Variants in CORIN observed in about 807,000 individuals in gnomAD.
CORIN encodes the protein atrial natriuretic peptide-converting enzyme.
Under a neutral mutation model 125.3 loss-of-function variants are expected in CORIN, and 117 were observed. The ratio of observed to expected loss-of-function variants is 0.93; its 90% CI spans 0.80 to 1.09. The LOEUF is 1.09. Ranked by LOEUF, CORIN falls within the 50% of genes least tolerant of loss-of-function variation. CORIN has a pLI of 0.00. For missense variants in CORIN, 1,253 were observed against 1,306.7 expected (o/e 0.96, Z 0.63); for synonymous variants, 450 against 466.4 (o/e 0.96, Z 0.45).
chr4:47,703,841 C>T (rs1438439203), intron 5 of CORIN, among the ~76,000 whole-genome samples: 4 of 152,168 alleles, frequency 2.6e-5, no homozygotes, highest in Non-Finnish European at 5.9e-5. Context: ...TCTACTTAGA[C>T]TTGGAAGGTA....
intron 4 of CORIN, among the ~76,000 whole-genome samples, chr4:47,758,885 A>G (rs1158838250): frequency 6.6e-6 from 1 of 152,222 alleles, no homozygotes; most frequent in Non-Finnish European, 1.5e-5. Context: ...CAGAACTGTG[A>G]GTCAATTAAA....
chr4:47,617,733 G>A (rs1478389472), intron 19 of CORIN, among the ~76,000 whole-genome samples: 2 of 152,190 alleles, frequency 1.3e-5, no homozygotes, highest in South Asian at 2.1e-4. Context: ...TGAGTGACTG[G>A]CACAGTTCAT....
chr4:47,685,345 A>T (rs921636746), intron 6 of CORIN, among the ~76,000 whole-genome samples: 3 of 152,248 alleles, frequency 2.0e-5, no homozygotes, highest in African/African-American at 7.2e-5. Flanking sequence ...AAAGGATGAA[A>T]CTACCAATAT....
intron 19 of CORIN, among the ~76,000 whole-genome samples, chr4:47,609,152 C>T (rs1205834516): frequency 1.3e-5 from 2 of 152,130 alleles, no homozygotes; most frequent in Non-Finnish European, 2.9e-5. Flanking sequence ...TAAAGATATA[C>T]CACACTATGG....
chr4:47,764,331 T>C (rs913777932), intron 3 of CORIN, among the ~76,000 whole-genome samples: 3 of 152,228 alleles, frequency 2.0e-5, no homozygotes, highest in African/African-American at 7.2e-5. Flanking sequence ...TTGGCTCTTT[T>C]GGGCGCCACC....
At chr4:47,833,508 C>A (rs559148876) in intron 1 of CORIN, among the ~76,000 whole-genome samples, 95 of 125,128 alleles carry the variant, frequency 7.6e-4, no homozygotes, top group African/African-American at 2.8e-3. Flanking sequence ...GGATACGACA[C>A]CAAAAGCATA....
At chr4:47,614,190 T>A (rs1560472878) in intron 19 of CORIN, among the ~76,000 whole-genome samples, 1 of 152,238 alleles carries the variant, frequency 6.6e-6, no homozygotes, top group East Asian at 1.9e-4. Flanking sequence ...CCCAATTTCT[T>A]TTTTTGTTGT....
chr4:47,800,971 T>A (rs765607360), intron 2 of CORIN, among the ~76,000 whole-genome samples: 8 of 152,170 alleles, frequency 5.3e-5, no homozygotes, highest in Non-Finnish European at 1.0e-4. Flanking sequence ...CTCCTGCTGC[T>A]TCAACTGCCA....
chr4:47,758,512 C>G (rs919445428), intron 4 of CORIN, among the ~76,000 whole-genome samples: 19 of 152,090 alleles, frequency 1.2e-4, no homozygotes, highest in Admixed American at 6.5e-5. Context: ...AAAGACAAAA[C>G]AGCCAAACCA....
At chr4:47,769,863 C>A (rs1729938321) in intron 3 of CORIN, among the ~76,000 whole-genome samples, 1 of 152,006 alleles carries the variant, frequency 6.6e-6, no homozygotes, top group African/African-American at 2.4e-5. Context: ...AAAATTAACT[C>A]AAAATGAATT....
intron 10 of CORIN, among the ~76,000 whole-genome samples, chr4:47,672,453 A>G (rs1034351803): frequency 2.0e-5 from 3 of 152,198 alleles, no homozygotes; most frequent in African/African-American, 4.8e-5. Flanking sequence ...GTGTCATTCC[A>G]TGTCAAACAA....
At chr4:47,602,682 G>C (rs1721492256) in intron 20 of CORIN, among the ~76,000 whole-genome samples, 1 of 152,140 alleles carries the variant, frequency 6.6e-6, no homozygotes, top group Non-Finnish European at 1.5e-5. Context: ...TAAGCTCCCA[G>C]AGAGAGATTC....
At chr4:47,771,710 G>A (rs938192948) in intron 3 of CORIN, among the ~76,000 whole-genome samples, 18 of 151,932 alleles carry the variant, frequency 1.2e-4, no homozygotes, top group Non-Finnish European at 4.4e-5. Flanking sequence ...TTTCTATTCA[G>A]GTCTTAACTA....
Position 47,674,422 on chromosome 4 carries a change from C to G in CORIN, c.1328G>C (p.Cys443Ser), listed in dbSNP as rs61760497. 1 of 1,613,786 alleles carries G rather than the reference C, an allele frequency of 6.2e-7. No individual in the cohort carries two copies. Among genetic ancestry groups the G allele is most frequent in the Non-Finnish European group, 8.5e-7 (1 of 1,179,724 alleles). The change falls in exon 10 of 22, where the codon TGT becomes TCT. Residue 443 changes from cysteine (C) to serine (S), a missense_variant. Transcript: ENST00000273857. ...GTTATTCAGACTGTTGTTCGGGTCA[C>G]AGAGAGAGCTACCACCACATGAATC... Reference protein sequence around the residue: ...CLDSCGGSSLCDPNNSLNNCS... With the variant: ...CLDSCGGSSLSDPNNSLNNCS...
At chr4:47,736,808 G>A (rs1402030048) in intron 5 of CORIN, among the ~76,000 whole-genome samples, 1 of 152,210 alleles carries the variant, frequency 6.6e-6, no homozygotes, top group African/African-American at 2.4e-5. Context: ...CCACTGCAAA[G>A]ACAAGATAAG....
chr4:47,728,845 T>C (rs2109810029), intron 5 of CORIN, among the ~76,000 whole-genome samples: 1 of 152,288 alleles, frequency 6.6e-6, no homozygotes, highest in Non-Finnish European at 1.5e-5. Context: ...ATCTTGAGCT[T>C]CTGAGCTATC....
chr4:47,766,692 T>C (rs113253248), intron 3 of CORIN, among the ~76,000 whole-genome samples: 29 of 152,150 alleles, frequency 1.9e-4, no homozygotes, highest in African/African-American at 5.3e-4. Flanking sequence ...ACACCTGTAA[T>C]CCCAGCACTT....
At chr4:47,799,143 GTGTA>G (rs1553918935) in intron 2 of CORIN, among the ~76,000 whole-genome samples, 1 of 151,040 alleles carries the variant, frequency 6.6e-6, no homozygotes, top group African/African-American at 2.4e-5. Context: ...GTGTGTGTGT[GTGTA>G]TGTCTCCCAT....
chr4:47,674,040 T>C (rs903173527), intron 10 of CORIN, among the ~76,000 whole-genome samples: 2 of 152,182 alleles, frequency 1.3e-5, no homozygotes, highest in African/African-American at 4.8e-5. Context: ...GCTTCTTGGT[T>C]AAAGTTTCCA....
Sources: allele counts gnomAD v4.1 joint callset (sites outside exome capture counted in the v4.1 genomes callset), GRCh38; gene constraint gnomAD v4.1.1; transcripts MANE v1.5; gene names NCBI Gene and HGNC (gene_info 2026-07-23, HGNC 2026-07-21).